The following WDFY2 variants were observed in gnomAD, a reference collection of about 807,000 sequenced individuals.
The protein encoded by WDFY2 is WD repeat and FYVE domain-containing protein 2.
A neutral mutation model predicts 56.4 loss-of-function variants in WDFY2; 36 were observed. The ratio of observed to expected loss-of-function variants is 0.64; its 90% CI spans 0.49 to 0.84. The LOEUF is 0.84. WDFY2 is among the 40% of genes least tolerant of loss of function. The pLI is 0.00. For synonymous variants in WDFY2, 176 were observed against 183.7 expected, an observed-to-expected ratio of 0.96 and a Z score of 0.34; for missense variants, 444 against 512.2, an observed-to-expected ratio of 0.87 and a Z score of 1.29.
intron 8 of WDFY2, 59 bp from the exon 9 acceptor site, chr13:51,755,299 T>C: frequency 6.6e-7 from 1 of 1,505,368 alleles, no homozygotes; most frequent in South Asian, 1.1e-5. Flanking sequence ...TCAGGGTCAG[T>C]GGTTTCCATT....
intron 3 of WDFY2, among the ~76,000 whole-genome samples, chr13:51,685,478 TAACAC>T (rs1346924983): frequency 6.6e-6 from 1 of 152,138 alleles, no homozygotes; most frequent in Non-Finnish European, 1.5e-5. Context: ...AACAGTCGAG[TAACAC>T]ATACTTTGTA....
At chr13:51,719,015 C>T (rs1307504081) in intron 4 of WDFY2, among the ~76,000 whole-genome samples, 183 bp from the exon 5 acceptor site, 1 of 152,040 alleles carries the variant, frequency 6.6e-6, no homozygotes, top group Non-Finnish European at 1.5e-5. Context: ...CTCAGACACG[C>T]CTGTTTAAAG....
chr13:51,640,430 A>C (rs1427472362), intron 1 of WDFY2, among the ~76,000 whole-genome samples: 1 of 152,134 alleles, frequency 6.6e-6, no homozygotes, highest in Non-Finnish European at 1.5e-5. Flanking sequence ...TTTGTTGGGT[A>C]TGGATGTTGG....
At chr13:51,652,940 G>T (rs917250726) in intron 1 of WDFY2, among the ~76,000 whole-genome samples, 2 of 152,150 alleles carry the variant, frequency 1.3e-5, no homozygotes, top group African/African-American at 4.8e-5. Context: ...TCCTGAATGT[G>T]AATGTTGGCC....
At chr13:51,750,459 C>T (rs916843607) in intron 7 of WDFY2, among the ~76,000 whole-genome samples, 2 of 151,470 alleles carry the variant, frequency 1.3e-5, no homozygotes, top group Non-Finnish European at 2.9e-5. Context: ...AATCACCAGT[C>T]CAGATATCAA....
In WDFY2 at chr13:51,758,252, T is replaced by C. The variant is rs779270096; in HGVS notation, c.1125T>C (p.Asp375=). The C allele has an allele frequency of 2.5e-6, 4 of 1,603,360 alleles. No individual in the cohort carries two copies. The highest frequency in any genetic ancestry group is 3.4e-6 in the Non-Finnish European group (4 of 1,171,650). The change falls in exon 11 of 12, where the codon GAT becomes GAC. Residue 375 remains aspartate, a synonymous_variant. Coordinates refer to ENST00000298125, the MANE Select transcript of WDFY2 (RefSeq NM_052950.4). ...SKHNIVHVHF[D]ATRGWLLTSG... ...ATAACATTGTGCATGTGCATTTCGATGCAACCAGAGGATGGTTACTGACTT... is the reference window on the plus strand; with the variant it reads ...ATAACATTGTGCATGTGCATTTCGACGCAACCAGAGGATGGTTACTGACTT...
chr13:51,663,698 T>C lies in WDFY2; in HGVS notation c.205+3035T>C, dbSNP rs1042987792. On this transcript the variant is annotated intron_variant, in intron 2 of 11. Coordinates refer to ENST00000298125, the MANE Select transcript of WDFY2 (RefSeq NM_052950.4). ...GAAATAGATTTGAGTTTCCAAGGAATTGTTTTGTAGTCCTTCCTATTGAGA... is the reference window on the plus strand; with the variant it reads ...GAAATAGATTTGAGTTTCCAAGGAACTGTTTTGTAGTCCTTCCTATTGAGA... Among the ~76,000 whole-genome samples, 3 of 152,236 alleles carry C rather than the reference T, an allele frequency of 2.0e-5. No homozygotes were observed. The East Asian group carries it at 5.8e-4, about 29-fold the overall frequency.
intron 4 of WDFY2, among the ~76,000 whole-genome samples, chr13:51,708,624 G>A (rs558800718): frequency 1.3e-5 from 2 of 150,778 alleles, no homozygotes; most frequent in South Asian, 2.1e-4. Flanking sequence ...GGTAAAGAAC[G>A]GGTGGAAAAA....
intron 1 of WDFY2, chr13:51,593,900 T>A (rs1954097304): frequency 6.6e-6 from 1 of 152,234 alleles, no homozygotes; most frequent in Non-Finnish European, 1.5e-5. Flanking sequence ...TCAAAATTTA[T>A]TTTAAAAATT....
intron 7 of WDFY2, among the ~76,000 whole-genome samples, chr13:51,750,855 C>T (rs1181601246): frequency 6.6e-6 from 1 of 152,192 alleles, no homozygotes; most frequent in Admixed American, 6.5e-5. Flanking sequence ...CCTCAGGCAA[C>T]ACAGTTTACC....
At chr13:51,658,616 G>A (rs1955556366) in intron 1 of WDFY2, among the ~76,000 whole-genome samples, 1 of 152,140 alleles carries the variant, frequency 6.6e-6, no homozygotes, top group Non-Finnish European at 1.5e-5. Context: ...CTCTGGTATT[G>A]ATTCTTATTG....
rs201069156 is a variant in WDFY2, at chr13:51,660,644, C to A, written c.186C>A (p.Ser62Arg). 3 of 1,613,708 alleles carry A rather than the reference C, an allele frequency of 1.9e-6. No homozygotes were observed. The highest frequency in any genetic ancestry group is 2.5e-6 in the Non-Finnish European group (3 of 1,179,820). Residue 62 changes from serine (S) to arginine (R), a missense_variant, in exon 2 of 12, where the codon AGC (serine) becomes AGA (arginine). By Grantham distance (110) the Ser-to-Arg change is moderately radical. Transcript: ENST00000298125. ...GAGACAGTGGACAGTATTGGCCAAG[C>A]GTATACCATGCAATGCCTTGTAAGT... ...LKRDSGQYWP[S>R]VYHAMPSPCS...
At chr13:51,741,177 T>G (rs967339098) in intron 7 of WDFY2, among the ~76,000 whole-genome samples, 3 of 152,230 alleles carry the variant, frequency 2.0e-5, no homozygotes, top group Non-Finnish European at 4.4e-5. Flanking sequence ...TTGGAGTCCA[T>G]GCTGATAGAA....
intron 2 of WDFY2, among the ~76,000 whole-genome samples, chr13:51,664,006 G>A (rs1286984792): frequency 1.3e-5 from 2 of 152,188 alleles, no homozygotes; most frequent in East Asian, 1.9e-4. Flanking sequence ...TTCCAGGTAA[G>A]AGAGTAAATG....
intron 3 of WDFY2, among the ~76,000 whole-genome samples, chr13:51,684,521 T>TA (rs945368815): frequency 2.0e-5 from 3 of 152,138 alleles, no homozygotes; most frequent in Non-Finnish European, 2.9e-5. Context: ...ATCTGTGGCT[T>TA]AATTATCCTA....
chr13:51,627,296 A>G (rs1175525033), intron 1 of WDFY2, among the ~76,000 whole-genome samples: 2 of 152,102 alleles, frequency 1.3e-5, no homozygotes, highest in Non-Finnish European at 1.5e-5. Context: ...GGGAAGGGGC[A>G]GGGAGGGGGA....
At chr13:51,593,605 T>C in intron 1 of WDFY2, among the ~76,000 whole-genome samples, 1 of 152,178 alleles carries the variant, frequency 6.6e-6, no homozygotes, top group Non-Finnish European at 1.5e-5. Context: ...TGATAAATGG[T>C]GGTACTTTAT....
At chr13:51,758,164 C>A in intron 10 of WDFY2, 28 bp from the exon 11 acceptor site, 1 of 1,523,008 alleles carries the variant, frequency 6.6e-7, no homozygotes, top group Non-Finnish European at 9.0e-7. Flanking sequence ...CACCTTTTCC[C>A]CTCAGAAGCT....
intron 3 of WDFY2, among the ~76,000 whole-genome samples, chr13:51,680,082 G>T (rs1249602282): frequency 6.6e-6 from 1 of 152,036 alleles, no homozygotes; most frequent in African/African-American, 2.4e-5. Context: ...GCACCACCAT[G>T]CTTGGCTCAT....
Sources: allele counts gnomAD v4.1 joint callset (sites outside exome capture counted in the v4.1 genomes callset), GRCh38; gene constraint gnomAD v4.1.1; transcripts MANE v1.5; gene names NCBI Gene and HGNC (gene_info 2026-07-23, HGNC 2026-07-21).